The following G3BP2 variants were observed in gnomAD, a reference collection of about 807,000 sequenced individuals.
G3BP2 encodes ras GTPase-activating protein-binding protein 2.
G3BP2 carries 11 observed loss-of-function variants against 56.7 expected under a neutral mutation model. The observed-to-expected ratio is 0.19, with a 90% CI of 0.12 to 0.32. G3BP2 has a LOEUF of 0.32. Among genes scored for constraint, G3BP2 ranks in the 10% least tolerant of loss-of-function variants. G3BP2 has a pLI of 1.00. For missense variants in G3BP2, 340 were observed against 610.9 expected, an observed-to-expected ratio of 0.56 and a Z score of 4.67; for synonymous variants, 165 against 191.6, an observed-to-expected ratio of 0.86 and a Z score of 1.15.
chr4:75,681,705 C>T (rs541430917), intron 3 of G3BP2, among the ~76,000 whole-genome samples: 4 of 151,564 alleles, frequency 2.6e-5, no homozygotes, highest in African/African-American at 7.3e-5. Flanking sequence ...AAAACTTAGC[C>T]GGGCGTGGTG....
At chr4:75,707,598 A>G (rs371707962) in intron 3 of G3BP2, among the ~76,000 whole-genome samples, 43 of 110,260 alleles carry the variant, frequency 3.9e-4, no homozygotes, top group African/African-American at 1.5e-3. Flanking sequence ...TGACAGAGCG[A>G]GACTCAAAAA....
rs546945728 is a variant in G3BP2, at chr4:75,648,012, T to G, written c.928+627A>C. Among the ~76,000 whole-genome samples the G allele has an allele frequency of 3.3e-5, 5 of 152,192 alleles. No individual in the cohort carries two copies. In the South Asian group the frequency reaches 1.0e-3, roughly 31 times the overall value. On this transcript the variant is annotated intron_variant, in intron 9 of 11. Coordinates refer to ENST00000359707, the MANE Select transcript of G3BP2 (RefSeq NM_203505.3). ...TTGTTTATCTGTAAAGAGATAAGACTGCTAAGAGAGTAGGTTATTGGCAGC... is the reference window on the plus strand; with the variant it reads ...TTGTTTATCTGTAAAGAGATAAGACGGCTAAGAGAGTAGGTTATTGGCAGC...
chr4:75,661,447 T>C (rs1250988472), intron 2 of G3BP2: 1 of 150,614 alleles, frequency 6.6e-6, no homozygotes, highest in Non-Finnish European at 1.5e-5. Flanking sequence ...GTAAACCTTA[T>C]ATAGTTCTCC....
intron 8 of G3BP2, among the ~76,000 whole-genome samples, chr4:75,652,174 T>G (rs1731744220): frequency 6.6e-6 from 1 of 152,220 alleles, no homozygotes; most frequent in African/African-American, 2.4e-5. Flanking sequence ...CAACTAACTT[T>G]GAAAATATAT....
At position 75,648,678 on chromosome 4, in the gene G3BP2, T is replaced by C; in HGVS notation, c.889A>G (p.Arg297Gly). 6.2e-7 allele frequency: 1 copy of C among 1,611,486 alleles called. No homozygotes were observed. Among genetic ancestry groups the C allele is most frequent in the Non-Finnish European group, 8.5e-7 (1 of 1,177,716 alleles). ...QPPRVREQRP[R>G]ERPGFPPRGP... ...CTAGGAGGAAAACCAGGTCGTTCTC[T>C]AGGTCGTTGTTCACGCACACGAGGT... The change falls in exon 9 of 12, where the codon AGA (arginine) becomes GGA (glycine). Residue 297 changes from arginine to glycine, a missense_variant. Arg to Gly is a moderately radical substitution (Grantham distance 125). Around this residue, in one of 4 missense-constraint regions of G3BP2, gnomAD observed 224 missense variants for 332.5 expected, o/e 0.67. Coordinates refer to ENST00000359707, the MANE Select transcript of G3BP2 (RefSeq NM_203505.3).
intron 1 of G3BP2, among the ~76,000 whole-genome samples, chr4:75,670,771 G>C (rs189618646): frequency 1.1e-4 from 16 of 152,102 alleles, no homozygotes; most frequent in Non-Finnish European, 1.9e-4. Context: ...TAAAAAGAAA[G>C]AGGATTTGAA....
rs1730970454 is a variant in G3BP2 at position 75,643,212 on chromosome 4, CTAT to C, written c.*2215_*2217del. 1 of 150,268 alleles carries C rather than the reference CTAT, an allele frequency of 6.7e-6. No individual in the cohort carries two copies. Among genetic ancestry groups the C allele is most frequent in the Non-Finnish European group, 1.5e-5 (1 of 67,468 alleles). 9.3% of individuals were successfully genotyped at this position (150,268 alleles called of 1,614,324 possible). On this transcript the variant is annotated 3_prime_UTR_variant, in exon 12 of 12. Transcript: ENST00000359707. The stretch of plus-strand genomic sequence containing the variant: ...CTGAATGGCTCTTTGCTCTACTTTT[CTAT>C]TATTACACTTAACATTTGTCATTAC...
chr4:75,677,353 A>C (rs1733912502), upstream of G3BP2, among the ~76,000 whole-genome samples: 1 of 152,112 alleles, frequency 6.6e-6, no homozygotes, highest in Non-Finnish European at 1.5e-5. Flanking sequence ...TGGGTGGATC[A>C]CGAGGTCAGG....
chr4:75,673,582 G>T (rs1001271249), upstream of G3BP2: 10 of 1,231,842 alleles, frequency 8.1e-6, no homozygotes, highest in Admixed American at 2.5e-4. Flanking sequence ...GCACACGCTC[G>T]CGCCCGGAAA....
chr4:75,657,986 A>G (rs1477379426), intron 3 of G3BP2, among the ~76,000 whole-genome samples: 2 of 152,224 alleles, frequency 1.3e-5, no homozygotes, highest in East Asian at 1.9e-4. Context: ...GTATTTGGTC[A>G]TTCTCACAAA....
chr4:75,657,611 A>C lies in G3BP2; in HGVS notation c.297T>G (p.Ser99=). 1 of 1,613,652 alleles carries C rather than the reference A, an allele frequency of 6.2e-7. No homozygotes were observed. The highest frequency in any genetic ancestry group is 2.2e-5 in the East Asian group (1 of 44,856). ...GVVVQVMGLL[S]NSGQPERKFM... is the part of the protein sequence containing the mutation. The stretch of plus-strand genomic sequence containing the variant: ...ACTTTCTTTCTGGTTGTCCACTGTT[A>C]GACAGCAAACCCATGACCTGGACAA... The change falls in exon 4 of 12, where the codon TCT becomes TCG. Residue 99 remains serine (S), a synonymous_variant. Transcript: ENST00000359707.
intron 3 of G3BP2, among the ~76,000 whole-genome samples, chr4:75,693,219 G>C (rs1211911418): frequency 1.3e-5 from 2 of 152,132 alleles, no homozygotes; most frequent in African/African-American, 4.8e-5. Flanking sequence ...ACTCCAGCCT[G>C]GCTGACACAG....
chr4:75,656,706 T>G (rs1019598307), intron 5 of G3BP2, among the ~76,000 whole-genome samples: 1 of 152,202 alleles, frequency 6.6e-6, no homozygotes, highest in Non-Finnish European at 1.5e-5. Context: ...AGGATGAGAC[T>G]GAGGGGAACC....
At chr4:75,681,388 C>T (rs1734068293) in intron 3 of G3BP2, among the ~76,000 whole-genome samples, 1 of 151,958 alleles carries the variant, frequency 6.6e-6, no homozygotes, top group Admixed American at 6.6e-5. Flanking sequence ...ATATAGTAGT[C>T]CCCCCTTATC....
chr4:75,699,908 AAATACT>A (rs1719272351), intron 3 of G3BP2, among the ~76,000 whole-genome samples: 1 of 150,806 alleles, frequency 6.6e-6, no homozygotes. Flanking sequence ...CACCAAATAC[AAATACT>A]GTTAGCACTT....
chr4:75,645,175 G>T lies in G3BP2; in HGVS notation c.*255C>A. 1 of 474,898 alleles carries T rather than the reference G, an allele frequency of 2.1e-6. No individual in the cohort carries two copies. 29.4% of individuals were successfully genotyped at this position (474,898 alleles called of 1,614,324 possible). A position where few individuals can be genotyped will look rare whatever the true frequency, so the allele number is the denominator to read the frequency against. ...CATGTCCTTTTAAGTTCACTTTGTC[G>T]TAGATAGTTTAAGATATGGTCATTT... On this transcript the variant is annotated 3_prime_UTR_variant, in exon 12 of 12. Coordinates refer to ENST00000359707, the MANE Select transcript of G3BP2 (RefSeq NM_203505.3).
chr4:75,657,276 CTCT>C (rs1279260827), intron 4 of G3BP2, among the ~76,000 whole-genome samples: 8 of 152,138 alleles, frequency 5.3e-5, no homozygotes, highest in African/African-American at 1.4e-4. Flanking sequence ...ACCAAAAGAA[CTCT>C]TCTATTTTGT....
At chr4:75,652,666 G>T (rs1416555799) in intron 8 of G3BP2, among the ~76,000 whole-genome samples, 1 of 152,026 alleles carries the variant, frequency 6.6e-6, no homozygotes, top group Non-Finnish European at 1.5e-5. Flanking sequence ...GCCACATATG[G>T]ACTCATGTCC....
intron 2 of G3BP2, among the ~76,000 whole-genome samples, chr4:75,721,189 C>T (rs1720162930): frequency 6.6e-6 from 1 of 151,810 alleles, no homozygotes; most frequent in Non-Finnish European, 1.5e-5. Flanking sequence ...GATCCGTCCA[C>T]CTCAGCCTCC....
Sources: gnomAD v4.1 joint callset for allele counts (sites outside exome capture counted in the v4.1 genomes callset) on GRCh38, gnomAD v4.1.1 for gene constraint, gnomAD v4.1.1 regional missense constraint, MANE v1.5 for transcripts, NCBI Gene and HGNC (gene_info 2026-07-23, HGNC 2026-07-21) for gene names.